Variants in GALNT7 observed in about 807,000 individuals in gnomAD.
GALNT7 encodes N-acetylgalactosaminyltransferase 7.
In GALNT7, 60 loss-of-function variants were observed where a neutral mutation model predicts 82.1. That is an observed-to-expected ratio of 0.73 (90% CI 0.59 to 0.91). GALNT7 has a LOEUF of 0.91. GALNT7 is among the 40% of genes least tolerant of loss of function. The pLI, the probability that GALNT7 is intolerant of heterozygous loss-of-function variation, is 0.00. For synonymous variants in GALNT7, 243 were observed against 275.1 expected (o/e 0.88, Z 1.15); for missense variants, 660 against 804.2 (o/e 0.82, Z 2.17).
chr4:173,187,049 C>T (rs1179863277), intron 1 of GALNT7, among the ~76,000 whole-genome samples: 1 of 152,064 alleles, frequency 6.6e-6, no homozygotes, highest in African/African-American at 2.4e-5. Flanking sequence ...AGCCACCGCA[C>T]CCGGCCTACT....
At position 173,216,706 on chromosome 4, in the gene GALNT7, C is replaced by CATATATATATATATATATATAT. The variant is rs202210734; in HGVS notation, c.127-31273_127-31252dup. On this transcript the variant is annotated intron_variant, in intron 1 of 11. Coordinates refer to ENST00000265000, the MANE Select transcript of GALNT7 (RefSeq NM_017423.3). Reference sequence around the variant, plus strand: ...GTAATTTGGTTTCTTGTGTACTATTCATATATATATATATATATATATTTT... The same window carrying CATATATATATATATATATATAT: ...GTAATTTGGTTTCTTGTGTACTATTCATATATATATATATATATATATATATATATATATATATATATATTTT... Among the ~76,000 whole-genome samples the CATATATATATATATATATATAT allele has an allele frequency of 2.3e-4, 13 of 56,948 alleles. 1 individual carries two copies. The highest frequency in any genetic ancestry group is 1.3e-3 in the African/African-American group (13 of 10,332). The allele number at this position is 56,948 out of a possible 152,430, so 37.4% of individuals were successfully genotyped here. A position where few individuals can be genotyped will look rare whatever the true frequency, so the allele number is the denominator to read the frequency against.
At chr4:173,183,603 C>T (rs548890137) in intron 1 of GALNT7, among the ~76,000 whole-genome samples, 243 of 152,318 alleles carry the variant, frequency 1.6e-3, no homozygotes, top group African/African-American at 5.6e-3. Context: ...CCCCACATTT[C>T]CCCCTTTTCT....
Position 173,303,978 on chromosome 4 carries a change from C to T in GALNT7, c.1267-18C>T, listed in dbSNP as rs767500512. ...TTTGTATTTGAAACAACTTTCACAA[C>T]GTGTTTTTCCTTCATAGATATGGCA... On this transcript the variant is annotated intron_variant, in intron 7 of 11. Transcript: ENST00000265000. 1.6e-5 allele frequency: 26 copies of T among 1,585,572 alleles called. No homozygotes were observed. Among genetic ancestry groups the T allele is most frequent in the South Asian group, 1.2e-4 (10 of 86,372 alleles).
At chr4:173,265,068 A>C (rs1454121604) in intron 2 of GALNT7, among the ~76,000 whole-genome samples, 1 of 152,266 alleles carries the variant, frequency 6.6e-6, no homozygotes, top group Non-Finnish European at 1.5e-5. Flanking sequence ...GCCACTCAAC[A>C]CTGTGCCCAT....
At chr4:173,174,254 A>C (rs760545639) in intron 1 of GALNT7, among the ~76,000 whole-genome samples, 2 of 152,164 alleles carry the variant, frequency 1.3e-5, no homozygotes, top group Non-Finnish European at 2.9e-5. Context: ...ACTTTTGCAT[A>C]CATCTACATT....
chr4:173,298,029 T>C, intron 5 of GALNT7, 86 bp from the exon 6 acceptor site: 1 of 1,552,064 alleles, frequency 6.4e-7, no homozygotes, highest in Non-Finnish European at 8.7e-7. Flanking sequence ...TAAGTTCTTT[T>C]TTTTTTCTTC....
intron 1 of GALNT7, among the ~76,000 whole-genome samples, chr4:173,193,484 A>G (rs1331428856): frequency 2.0e-5 from 3 of 151,986 alleles, no homozygotes; most frequent in Non-Finnish European, 2.9e-5. Context: ...CCCTCACCCC[A>G]ACTTTATTTT....
At chr4:173,321,458 G>GT in intron 11 of GALNT7, 122 bp from the exon 12 acceptor site, 1 of 677,152 alleles carries the variant, frequency 1.5e-6, no homozygotes. Flanking sequence ...AAAGTCTGAG[G>GT]TGTGGTTGAG....
At chr4:173,286,520 C>T (rs1452895898) in intron 2 of GALNT7, among the ~76,000 whole-genome samples, 1 of 152,244 alleles carries the variant, frequency 6.6e-6, no homozygotes, top group Non-Finnish European at 1.5e-5. Flanking sequence ...TTAAGTTCCT[C>T]ACTTAGGTAA....
At chr4:173,280,126 T>G (rs182076644) in intron 2 of GALNT7, among the ~76,000 whole-genome samples, 23 of 152,302 alleles carry the variant, frequency 1.5e-4, no homozygotes, top group Non-Finnish European at 2.9e-4. Flanking sequence ...AGACTCCTAG[T>G]GAATGGTCTA....
chr4:173,264,725 A>G (rs199562564), intron 2 of GALNT7, among the ~76,000 whole-genome samples: 4 of 152,324 alleles, frequency 2.6e-5, no homozygotes, highest in East Asian at 3.9e-4. Context: ...CTGTGTTTCT[A>G]CATTCTCCCC....
intron 7 of GALNT7, 129 bp from the exon 8 acceptor site, chr4:173,303,867 T>G: frequency 2.6e-6 from 2 of 763,470 alleles, no homozygotes; most frequent in Non-Finnish European, 4.3e-6. Context: ...TAGGATTTGT[T>G]TAGTTTAAGA....
intron 1 of GALNT7, among the ~76,000 whole-genome samples, chr4:173,186,009 G>A (rs1243826117): frequency 1.3e-5 from 2 of 152,210 alleles, no homozygotes; most frequent in Non-Finnish European, 2.9e-5. Context: ...GGCAAGGAGA[G>A]TGAACTTTAA....
intron 5 of GALNT7, among the ~76,000 whole-genome samples, chr4:173,296,371 G>A (rs1046972439): frequency 1.3e-4 from 20 of 152,074 alleles, no homozygotes; most frequent in African/African-American, 4.8e-4. Flanking sequence ...ACAACATAAG[G>A]CACCATCAGT....
intron 1 of GALNT7, among the ~76,000 whole-genome samples, chr4:173,174,763 C>T (rs762900879): frequency 5.3e-5 from 8 of 152,210 alleles, no homozygotes; most frequent in Non-Finnish European, 8.8e-5. Flanking sequence ...AGAACTGTCA[C>T]AAGGATATGT....
chr4:173,220,959 C>T (rs1452431826), intron 1 of GALNT7, among the ~76,000 whole-genome samples: 2 of 151,748 alleles, frequency 1.3e-5, no homozygotes, highest in Admixed American at 6.6e-5. Flanking sequence ...CCGCAATAAA[C>T]ATACGTGTGC....
intron 10 of GALNT7, 80 bp from the exon 11 acceptor site, chr4:173,318,351 G>A: frequency 9.8e-7 from 1 of 1,020,310 alleles, no homozygotes; most frequent in Non-Finnish European, 1.5e-6. Flanking sequence ...TTAATTATAG[G>A]AGTTAAGTTT....
At chr4:173,233,127 C>T (rs574968945) in intron 1 of GALNT7, among the ~76,000 whole-genome samples, 1 of 152,304 alleles carries the variant, frequency 6.6e-6, no homozygotes, top group Non-Finnish European at 1.5e-5. Context: ...TTTCTTTATC[C>T]ATTCATCCAC....
chr4:173,231,805 A>T (rs894522701), intron 1 of GALNT7, among the ~76,000 whole-genome samples: 1 of 152,190 alleles, frequency 6.6e-6, no homozygotes, highest in Non-Finnish European at 1.5e-5. Context: ...AGAAATAAGG[A>T]AACTAGAAAT....
Sources: gnomAD v4.1 joint callset for allele counts (sites outside exome capture counted in the v4.1 genomes callset) on GRCh38, gnomAD v4.1.1 for gene constraint, MANE v1.5 for transcripts, NCBI Gene and HGNC (gene_info 2026-07-23, HGNC 2026-07-21) for gene names.